The following SLC22A3 variants were observed in gnomAD, a reference collection of about 807,000 sequenced individuals.
SLC22A3 encodes the protein EMT organic cation transporter 3.
Under a neutral mutation model 59.1 loss-of-function variants are expected in SLC22A3, and 51 were observed. The observed-to-expected ratio is 0.86, with a 90% CI of 0.69 to 1.09. The LOEUF (loss-of-function observed/expected upper bound fraction) is 1.09. SLC22A3 is among the 50% of genes least tolerant of loss of function. The probability of loss-of-function intolerance (pLI) is 0.00; values close to 1 mark genes in which losing one functional copy is unlikely to be tolerated. For synonymous variants in SLC22A3, 325 were observed against 292.0 expected, an observed-to-expected ratio of 1.11 and a Z score of -1.15; for missense variants, 711 against 726.3, an observed-to-expected ratio of 0.98 and a Z score of 0.24.
At chr6:160,406,984 C>A in intron 2 of SLC22A3, 57 bp from the exon 3 acceptor site, 1 of 1,570,554 alleles carries the variant, frequency 6.4e-7, no homozygotes, top group Non-Finnish European at 8.7e-7. Context: ...GTTATATTTT[C>A]CCATTGTGTT....
chr6:160,437,582 T>C (rs1369302690), intron 7 of SLC22A3, among the ~76,000 whole-genome samples: 2 of 152,236 alleles, frequency 1.3e-5, no homozygotes, highest in Non-Finnish European at 2.9e-5. Context: ...AGGTTACACA[T>C]AGAAGAACGC....
chr6:160,387,588 T>C (rs941775294), intron 1 of SLC22A3, among the ~76,000 whole-genome samples: 1 of 152,192 alleles, frequency 6.6e-6, no homozygotes, highest in Non-Finnish European at 1.5e-5. Flanking sequence ...ATTATACTAA[T>C]GTATGATGGT....
At chr6:160,355,198 A>T (rs1784787627) in intron 1 of SLC22A3, among the ~76,000 whole-genome samples, 3 of 152,198 alleles carry the variant, frequency 2.0e-5, no homozygotes, top group Admixed American at 2.0e-4. Context: ...CTCATACAGC[A>T]TCTTAGTGTG....
At chr6:160,422,667 A>G (rs1419261807) in intron 5 of SLC22A3, among the ~76,000 whole-genome samples, 2 of 152,230 alleles carry the variant, frequency 1.3e-5, no homozygotes, top group Admixed American at 6.5e-5. Flanking sequence ...AGATTGAGAC[A>G]AAGTCTTTGT....
intron 5 of SLC22A3, chr6:160,426,254 T>C (rs1008256562): frequency 6.1e-6 from 6 of 985,414 alleles, no homozygotes; most frequent in Non-Finnish European, 7.2e-6. Flanking sequence ...ATTTGGATAT[T>C]TGACAAATTT....
intron 1 of SLC22A3, among the ~76,000 whole-genome samples, chr6:160,387,418 G>A (rs1351731924): frequency 2.0e-5 from 3 of 152,124 alleles, no homozygotes; most frequent in East Asian, 1.9e-4. Context: ...CCACACTCAT[G>A]AGCAGTATTT....
At chr6:160,447,578 G>A (rs985051061) in intron 9 of SLC22A3, 141 bp from the exon 10 acceptor site, 10 of 735,152 alleles carry the variant, frequency 1.4e-5, no homozygotes, top group Non-Finnish European at 2.0e-5. Context: ...GAGAGCTGGG[G>A]CATTGATCTG....
At chr6:160,369,671 A>T (rs1011018843) in intron 1 of SLC22A3, among the ~76,000 whole-genome samples, 1 of 152,196 alleles carries the variant, frequency 6.6e-6, no homozygotes, top group African/African-American at 2.4e-5. Context: ...CACCTCCCCA[A>T]ATGAAAAAAT....
chr6:160,445,678 G>A (rs573292682), intron 9 of SLC22A3, among the ~76,000 whole-genome samples: 3 of 152,298 alleles, frequency 2.0e-5, no homozygotes, highest in African/African-American at 7.2e-5. Flanking sequence ...TGGACAGATT[G>A]AGTAAACATC....
chr6:160,431,353 G>A (rs1270931586), intron 5 of SLC22A3, among the ~76,000 whole-genome samples: 3 of 152,172 alleles, frequency 2.0e-5, no homozygotes, highest in African/African-American at 7.2e-5. Context: ...ACGGTTTTAA[G>A]TCTCTCAAGG....
chr6:160,435,380 G>C (rs913600716), intron 5 of SLC22A3, among the ~76,000 whole-genome samples: 2 of 152,144 alleles, frequency 1.3e-5, no homozygotes, highest in African/African-American at 4.8e-5. Context: ...CTCAGTTGTA[G>C]GACACCTTCC....
At chr6:160,430,952 T>G (rs1427862179) in intron 5 of SLC22A3, among the ~76,000 whole-genome samples, 1 of 152,144 alleles carries the variant, frequency 6.6e-6, no homozygotes, top group East Asian at 1.9e-4. Context: ...GGGACTGACT[T>G]CACTGAGACA....
chr6:160,394,851 G>A (rs1468333405), intron 1 of SLC22A3, among the ~76,000 whole-genome samples: 1 of 152,184 alleles, frequency 6.6e-6, no homozygotes, highest in African/African-American at 2.4e-5. Flanking sequence ...ATGTGGCCAG[G>A]CACACGGGGC....
At chr6:160,408,714 C>T (rs1787119488) in intron 3 of SLC22A3, 39 bp from the exon 4 acceptor site, 2 of 1,604,240 alleles carry the variant, frequency 1.2e-6, no homozygotes, top group Non-Finnish European at 1.7e-6. Context: ...TGGAGCTGAC[C>T]TTGTGCTTCT....
At chr6:160,353,694 G>A (rs1390282313) in intron 1 of SLC22A3, among the ~76,000 whole-genome samples, 2 of 152,110 alleles carry the variant, frequency 1.3e-5, no homozygotes, top group Non-Finnish European at 2.9e-5. Flanking sequence ...GCATTCTCGG[G>A]TCGCACACAC....
At chr6:160,361,120 A>G (rs1428885172) in intron 1 of SLC22A3, among the ~76,000 whole-genome samples, 1 of 152,216 alleles carries the variant, frequency 6.6e-6, no homozygotes, top group Non-Finnish European at 1.5e-5. Context: ...AACATCATAT[A>G]CAATAAGGAT....
chr6:160,426,795 C>T (rs149017423), intron 5 of SLC22A3, among the ~76,000 whole-genome samples: 209 of 152,230 alleles, frequency 1.4e-3, no homozygotes, highest in African/African-American at 3.9e-3. Flanking sequence ...TTCTGACCTG[C>T]GTAAGGCTCT....
At chr6:160,354,557 T>G (rs1297874795) in intron 1 of SLC22A3, among the ~76,000 whole-genome samples, 1 of 152,208 alleles carries the variant, frequency 6.6e-6, no homozygotes, top group Non-Finnish European at 1.5e-5. Context: ...AGTCAAAGCC[T>G]TGGCCAGTTG....
chr6:160,377,810 A>G (rs554839893), intron 1 of SLC22A3, among the ~76,000 whole-genome samples: 158 of 152,352 alleles, frequency 1.0e-3, no homozygotes, highest in African/African-American at 3.5e-3. Context: ...AGAGGCTGCT[A>G]AGCAAACGTA....
Sources: allele counts gnomAD v4.1 joint callset (sites outside exome capture counted in the v4.1 genomes callset), GRCh38; gene constraint gnomAD v4.1.1; transcripts MANE v1.5; gene names NCBI Gene and HGNC (gene_info 2026-07-23, HGNC 2026-07-21).